Variants in PCDHGA8 observed in about 807,000 individuals in gnomAD.
The protein encoded by PCDHGA8 is protocadherin gamma subfamily A, 8, also known as protocadherin gamma-A8.
Under a neutral mutation model 59.2 loss-of-function variants are expected in PCDHGA8, and 45 were observed. The observed-to-expected ratio is 0.76, with a 90% confidence interval of 0.60 to 0.98. PCDHGA8 has a LOEUF of 0.98. PCDHGA8 is among the 50% of genes least tolerant of loss of function. The pLI is 0.00. For synonymous variants in PCDHGA8, 531 were observed against 519.0 expected (o/e 1.02, Z -0.32); for missense variants, 1,257 against 1,196.2 (o/e 1.05, Z -0.75).
chr5:141,413,880 T>G, intron 1 of PCDHGA8: 1 of 1,613,420 alleles, frequency 6.2e-7, no homozygotes, highest in Non-Finnish European at 8.5e-7. Flanking sequence ...TCAGTGTGAC[T>G]GTCTTCGATG....
intron 1 of PCDHGA8, chr5:141,427,862 C>T (rs748112227): frequency 2.6e-6 from 4 of 1,556,778 alleles, no homozygotes; most frequent in East Asian, 4.5e-5. Context: ...TGTGCGCCTT[C>T]GAGCTCACGA....
Position 141,418,737 on chromosome 5 carries a change from C to T in PCDHGA8, c.2424+23500C>T, listed in dbSNP as rs768683069. 7.4e-6 allele frequency: 12 copies of T among 1,613,960 alleles called. No homozygotes were observed. The South Asian group carries it at 1.3e-4, about 18-fold the overall frequency. ...GCTGACAAAGCTCAGCACGTGTTCT[C>T]TCTGGATTACACTACAGGAAACATT... On this transcript the variant is annotated intron_variant, in intron 1 of 3. Coordinates refer to ENST00000398604, the MANE Select transcript of PCDHGA8 (RefSeq NM_032088.2).
At chr5:141,411,783 G>C (rs1191623081) in intron 1 of PCDHGA8, 1 of 152,338 alleles carries the variant, frequency 6.6e-6, no homozygotes, top group Non-Finnish European at 1.5e-5. Context: ...TCTGGTGGCT[G>C]TGGTGGGAGA....
chr5:141,404,894 G>C (rs772084097), intron 1 of PCDHGA8: 1 of 1,613,878 alleles, frequency 6.2e-7, no homozygotes, highest in South Asian at 1.1e-5. Flanking sequence ...GGCTGTACAG[G>C]ACCATGGCCA....
Position 141,431,449 on chromosome 5 carries a change from G to A in PCDHGA8, c.2424+36212G>A. Reference sequence around the variant, plus strand: ...GCACAGGCACCGCGCGCATCCGCGTGATGGTTCTGGATGCGAACGACAACG... The same window carrying A: ...GCACAGGCACCGCGCGCATCCGCGTAATGGTTCTGGATGCGAACGACAACG... On this transcript the variant is annotated intron_variant, in intron 1 of 3. Coordinates refer to ENST00000398604, the MANE Select transcript of PCDHGA8 (RefSeq NM_032088.2). The surrounding 1 kb of genome is among the most constrained non-coding windows in gnomAD (Gnocchi z 4.8). The A allele has an allele frequency of 6.2e-7, 1 of 1,613,742 alleles. No individual in the cohort carries two copies. Among genetic ancestry groups the A allele is most frequent in the South Asian group, 1.1e-5 (1 of 91,082 alleles).
chr5:141,481,455 C>T (rs2099537897), intron 1 of PCDHGA8, among the ~76,000 whole-genome samples: 1 of 152,176 alleles, frequency 6.6e-6, no homozygotes, highest in African/African-American at 2.4e-5. Flanking sequence ...TGTAAATACA[C>T]TGAAAACCAT....
At chr5:141,396,104 A>T (rs1423560620) in intron 1 of PCDHGA8, 1 of 152,258 alleles carries the variant, frequency 6.6e-6, no homozygotes, top group African/African-American at 2.4e-5. Flanking sequence ...TGTTGATATT[A>T]AGAACCAATG....
chr5:141,418,478 G>C (rs777772131), intron 1 of PCDHGA8: 1 of 1,613,976 alleles, frequency 6.2e-7, no homozygotes, highest in Non-Finnish European at 8.5e-7. Context: ...AACGCAGAGC[G>C]CTCACCACTT....
At chr5:141,464,282 A>AG (rs1318553407) in intron 1 of PCDHGA8, among the ~76,000 whole-genome samples, 1 of 151,396 alleles carries the variant, frequency 6.6e-6, no homozygotes, top group Non-Finnish European at 1.5e-5. Flanking sequence ...AAAAAAGCAA[A>AG]AAAAAAAACT....
At chr5:141,400,431 A>T (rs542969819) in intron 1 of PCDHGA8, 1 of 1,614,034 alleles carries the variant, frequency 6.2e-7, no homozygotes. Context: ...GTAGTGAGCA[A>T]TTGAGTTCAG....
intron 1 of PCDHGA8, among the ~76,000 whole-genome samples, chr5:141,463,179 A>G (rs1261927835): frequency 6.6e-6 from 1 of 152,082 alleles, no homozygotes; most frequent in Non-Finnish European, 1.5e-5. Context: ...GTATGCTCAG[A>G]TTATTATTTA....
Position 141,491,663 on chromosome 5 carries a change from T to G in PCDHGA8, c.2425-3144T>G, listed in dbSNP as rs895604632. ...GCTCTGGCGCTGGAGCCTGACGCCA[T>G]CCGGTCCCGCTCTAATACGCTGCGG... On this transcript the variant is annotated intron_variant, in intron 1 of 3. Coordinates refer to ENST00000398604, the MANE Select transcript of PCDHGA8 (RefSeq NM_032088.2). The surrounding 1 kb of genome is among the most constrained non-coding windows in gnomAD (Gnocchi z 6.9). The G allele has an allele frequency of 3.1e-6, 5 of 1,613,650 alleles. No homozygotes were observed. Among genetic ancestry groups the G allele is most frequent in the Non-Finnish European group, 4.2e-6 (5 of 1,180,014 alleles).
chr5:141,399,263 A>G, intron 1 of PCDHGA8: 9 of 1,613,918 alleles, frequency 5.6e-6, no homozygotes, highest in Non-Finnish European at 7.6e-6. Context: ...GGGGAGGTTA[A>G]TTGTCAATTA....
At chr5:141,408,910 T>A in intron 1 of PCDHGA8, 1 of 1,613,256 alleles carries the variant, frequency 6.2e-7, no homozygotes, top group Non-Finnish European at 8.5e-7. Flanking sequence ...AGGATACCAA[T>A]GATAACCCCC....
At chr5:141,415,347 C>G in intron 1 of PCDHGA8, 1 of 1,614,238 alleles carries the variant, frequency 6.2e-7, no homozygotes, top group South Asian at 1.1e-5. Flanking sequence ...GGCGCTGGCA[C>G]AAGTCACGCC....
intron 1 of PCDHGA8, among the ~76,000 whole-genome samples, chr5:141,451,329 A>G (rs991467686): frequency 2.6e-5 from 4 of 152,196 alleles, no homozygotes; most frequent in African/African-American, 9.6e-5. Context: ...ACCTAAGGCT[A>G]TTGTCTTATC....
chr5:141,419,300 T>G (rs2096356436), intron 1 of PCDHGA8: 3 of 1,613,998 alleles, frequency 1.9e-6, no homozygotes, highest in Non-Finnish European at 2.5e-6. Context: ...TGACCCAGAC[T>G]TCGGGCTCAA....
At chr5:141,417,854 C>G in intron 1 of PCDHGA8, 2 of 1,543,902 alleles carry the variant, frequency 1.3e-6, no homozygotes, top group Non-Finnish European at 1.8e-6. Flanking sequence ...AGAACCCGAG[C>G]GAACGATGGG....
At chr5:141,459,606 T>G (rs1430790771) in intron 1 of PCDHGA8, among the ~76,000 whole-genome samples, 1 of 152,250 alleles carries the variant, frequency 6.6e-6, no homozygotes, top group Non-Finnish European at 1.5e-5. Context: ...GGGAAGTATA[T>G]GCTTAACTTT....
Sources: allele counts gnomAD v4.1 joint callset (sites outside exome capture counted in the v4.1 genomes callset), GRCh38; gene constraint gnomAD v4.1.1; non-coding constraint Gnocchi (gnomAD v3.1); transcripts MANE v1.5; gene names NCBI Gene and HGNC (gene_info 2026-07-23, HGNC 2026-07-21).